IL1RAPL1: variants seen among roughly 807,000 people sequenced by gnomAD.
IL1RAPL1 encodes interleukin-1 receptor accessory protein-like 1.
Under a neutral mutation model 48.4 loss-of-function variants are expected in IL1RAPL1, and 3 were observed. The observed-to-expected ratio is 0.06, with a 90% CI of 0.03 to 0.16. The LOEUF is 0.16. IL1RAPL1 is among the 10% of genes least tolerant of loss of function. The probability of loss-of-function intolerance (pLI) is 1.00; values close to 1 mark genes in which losing one functional copy is unlikely to be tolerated. For missense variants in IL1RAPL1, 349 were observed against 530.6 expected, an observed-to-expected ratio of 0.66 and a Z score of 3.36; for synonymous variants, 185 against 187.7, an observed-to-expected ratio of 0.99 and a Z score of 0.12.
intron 2 of IL1RAPL1, among the ~76,000 whole-genome samples, chrX:28,888,310 A>G (rs1265603031): frequency 9.0e-6 from 1 of 111,442 alleles, no homozygotes; most frequent in African/African-American, 3.3e-5. Context: ...ATGATATCTC[A>G]AAAGAGCTCA....
At chrX:28,716,280 A>T (rs1163614116) in intron 1 of IL1RAPL1, among the ~76,000 whole-genome samples, 1 of 111,613 alleles carries the variant, frequency 9.0e-6, no homozygotes, top group East Asian at 2.8e-4. Flanking sequence ...TGGCACAAGG[A>T]CGCCTGCTCT....
At chrX:29,641,547 G>A (rs1331968261) in intron 5 of IL1RAPL1, among the ~76,000 whole-genome samples, 1 of 111,624 alleles carries the variant, frequency 9.0e-6, no homozygotes, top group Non-Finnish European at 1.9e-5. Context: ...ATATAGCACT[G>A]CTCCCAATGG....
chrX:29,685,745 G>A lies in IL1RAPL1; in HGVS notation c.778+17241G>A, dbSNP rs1442496399. 3.6e-5 allele frequency among the ~76,000 whole-genome samples: 4 copies of A among 110,598 alleles called. No homozygotes were observed. The East Asian group carries it at 1.1e-3, about 31-fold the overall frequency. ...CTCACACCTGTAATCCCAGCACTTT[G>A]GGAGGCCGAGGTGGGTGGATCATGA... On this transcript the variant is annotated intron_variant, in intron 6 of 10. Coordinates refer to ENST00000378993, the MANE Select transcript of IL1RAPL1 (RefSeq NM_014271.4).
chrX:29,603,873 T>G (rs1923803873), intron 5 of IL1RAPL1, among the ~76,000 whole-genome samples: 1 of 112,586 alleles, frequency 8.9e-6, no homozygotes, highest in Admixed American at 9.4e-5. Flanking sequence ...TTTATTGATT[T>G]AATATATTCT....
intron 2 of IL1RAPL1, among the ~76,000 whole-genome samples, chrX:29,231,773 A>C (rs189801479): frequency 8.9e-6 from 1 of 111,919 alleles, no homozygotes; most frequent in African/African-American, 3.2e-5. Context: ...TACTGATCTC[A>C]TGTTTAGAAA....
chrX:29,794,832 A>C (rs927894713), intron 6 of IL1RAPL1, among the ~76,000 whole-genome samples: 3 of 112,174 alleles, frequency 2.7e-5, no homozygotes, highest in Non-Finnish European at 5.6e-5. Context: ...GGCTCATAAA[A>C]TCTATATAGC....
chrX:29,917,187 A>G (rs909560090), intron 6 of IL1RAPL1, among the ~76,000 whole-genome samples: 4 of 112,257 alleles, frequency 3.6e-5, no homozygotes, highest in African/African-American at 1.3e-4. Flanking sequence ...ATCATGAGAA[A>G]ACATCAGGCA....
At chrX:29,399,811 C>T (rs1209821897) in intron 5 of IL1RAPL1, among the ~76,000 whole-genome samples, 1 of 89,625 alleles carries the variant, frequency 1.1e-5, no homozygotes, top group Non-Finnish European at 2.2e-5. Context: ...AAGAGCAAGA[C>T]GAAGTCTCAG....
intron 5 of IL1RAPL1, among the ~76,000 whole-genome samples, chrX:29,614,415 G>T (rs150614648): frequency 0.11 from 12,838 of 111,754 alleles, 955 homozygotes; most frequent in African/African-American, 0.26. Flanking sequence ...AAAGTTATTC[G>T]TCTAAAATGA....
chrX:29,341,932 G>C (rs1933082631), intron 3 of IL1RAPL1, among the ~76,000 whole-genome samples: 2 of 110,297 alleles, frequency 1.8e-5, no homozygotes, highest in Admixed American at 1.9e-4. Flanking sequence ...TCAGCCTCCT[G>C]ATTAGCTGGG....
chrX:29,801,863 A>G (rs1310114920), intron 6 of IL1RAPL1, among the ~76,000 whole-genome samples: 2 of 111,777 alleles, frequency 1.8e-5, no homozygotes, highest in African/African-American at 3.3e-5. Flanking sequence ...ACTCAGTTTT[A>G]TATCCTGTTA....
At chrX:29,183,518 A>T (rs1930188354) in intron 2 of IL1RAPL1, among the ~76,000 whole-genome samples, 1 of 111,196 alleles carries the variant, frequency 9.0e-6, no homozygotes, top group African/African-American at 3.3e-5. Context: ...CTACATCTTG[A>T]TTGCCTTTTC....
intron 1 of IL1RAPL1, among the ~76,000 whole-genome samples, chrX:28,627,539 G>A (rs1205300961): frequency 2.7e-5 from 3 of 111,847 alleles, no homozygotes; most frequent in Admixed American, 9.5e-5. Flanking sequence ...GTAGGAGCAC[G>A]GCCCACAGTC....
chrX:29,122,407 TCTCACACA>T (rs1193714694), intron 2 of IL1RAPL1, among the ~76,000 whole-genome samples: 2 of 76,257 alleles, frequency 2.6e-5, no homozygotes, highest in Admixed American at 3.2e-4. Context: ...TCTCTCTCTC[TCTCACACA>T]CACACACACA....
chrX:29,230,519 A>AC (rs1931176587), intron 2 of IL1RAPL1, among the ~76,000 whole-genome samples: 2 of 95,770 alleles, frequency 2.1e-5, no homozygotes, highest in African/African-American at 7.7e-5. Flanking sequence ...AAAAAAAAAA[A>AC]AAAAAAAAAA....
chrX:29,363,260 T>C (rs1322185317), intron 3 of IL1RAPL1, among the ~76,000 whole-genome samples: 2 of 111,990 alleles, frequency 1.8e-5, no homozygotes, highest in Non-Finnish European at 3.8e-5. Flanking sequence ...AGAGTTTCAG[T>C]AGTGTTAAGT....
At chrX:29,028,327 C>G (rs1348427072) in intron 2 of IL1RAPL1, among the ~76,000 whole-genome samples, 2 of 95,087 alleles carry the variant, frequency 2.1e-5, no homozygotes, top group Non-Finnish European at 4.1e-5. Context: ...GAGTCTTGCT[C>G]ACTAGGCTGG....
chrX:28,698,974 G>T (rs184104186), intron 1 of IL1RAPL1, among the ~76,000 whole-genome samples: 1 of 111,532 alleles, frequency 9.0e-6, no homozygotes, highest in Non-Finnish European at 1.9e-5. Flanking sequence ...TCTTTTATTC[G>T]GTGAGTTTAC....
At position 29,203,722 on chromosome X, in the gene IL1RAPL1, A is replaced by AATAT. The variant is rs56950481; in HGVS notation, c.83-79180_83-79177dup. On this transcript the variant is annotated intron_variant, in intron 2 of 10. Transcript: ENST00000378993. ...CAACAAGAGCAAAACTCCGTCTCAA[A>AATAT]ATATATATATATATATATATATATA... is the stretch of plus-strand genomic sequence containing the variant. Among the ~76,000 whole-genome samples, 142 of 78,374 alleles carry AATAT rather than the reference A, an allele frequency of 1.8e-3. 2 individuals carry two copies. The highest frequency in any genetic ancestry group is 0.012 in the East Asian group (24 of 2,077). 68.1% of individuals were successfully genotyped at this position (78,374 alleles called of 115,157 possible).
Sources: allele counts gnomAD v4.1 joint callset (sites outside exome capture counted in the v4.1 genomes callset), GRCh38; gene constraint gnomAD v4.1.1; transcripts MANE v1.5; gene names NCBI Gene and HGNC (gene_info 2026-07-23, HGNC 2026-07-21).